Variants in ACYP2 observed in about 807,000 individuals in gnomAD.
ACYP2 encodes acylphosphatase 2.
ACYP2 carries 12 observed loss-of-function variants against 11.2 expected under a neutral mutation model. That is an observed-to-expected ratio of 1.08 (90% CI 0.69 to 1.74). The LOEUF (loss-of-function observed/expected upper bound fraction) is 1.74, where lower values mean the gene tolerates loss of function less well. Ranked by LOEUF, ACYP2 falls within the 40% of genes most tolerant of loss-of-function variation. ACYP2 has a pLI of 0.00. For missense variants in ACYP2, 134 were observed against 101.9 expected (o/e 1.31, Z -1.35); for synonymous variants, 43 against 32.2 (o/e 1.33, Z -1.13).
intron 6 of ACYP2, among the ~76,000 whole-genome samples, chr2:54,194,303 G>C (rs1684361846): frequency 6.6e-6 from 1 of 152,126 alleles, no homozygotes; most frequent in Admixed American, 6.5e-5. Context: ...GGCTCCTAAA[G>C]TGCTGGGATT....
At chr2:54,077,796 C>A (rs552482307) in intron 4 of ACYP2, among the ~76,000 whole-genome samples, 1 of 152,114 alleles carries the variant, frequency 6.6e-6, no homozygotes, top group Non-Finnish European at 1.5e-5. Context: ...TTAGTAGTAG[C>A]GCTGGAAGTA....
intron 6 of ACYP2, among the ~76,000 whole-genome samples, chr2:54,195,483 T>C (rs180806875): frequency 6.6e-6 from 1 of 152,196 alleles, no homozygotes; most frequent in Non-Finnish European, 1.5e-5. Context: ...GTAAGAGAAG[T>C]ACAGAGATAC....
chr2:54,005,558 C>T (rs1466537240), intron 2 of ACYP2, among the ~76,000 whole-genome samples: 2 of 152,070 alleles, frequency 1.3e-5, no homozygotes, highest in Admixed American at 6.6e-5. Flanking sequence ...AGGCTGGTCT[C>T]GATCTCCTGA....
chr2:53,989,988 T>TG (rs1335130785), intron 2 of ACYP2, among the ~76,000 whole-genome samples: 4 of 151,378 alleles, frequency 2.6e-5, no homozygotes, highest in Non-Finnish European at 5.9e-5. Context: ...TTTCTTTTTT[T>TG]TTTTTTTTTG....
At chr2:54,114,380 CAAAAAA>C (rs58390248) in intron 4 of ACYP2, among the ~76,000 whole-genome samples, 1 of 104,404 alleles carries the variant, frequency 9.6e-6, no homozygotes. Context: ...TCAAGACAAT[CAAAAAA>C]AAAAAAAAAA....
chr2:54,016,431 G>T (rs1255712508), intron 2 of ACYP2, among the ~76,000 whole-genome samples: 1 of 148,542 alleles, frequency 6.7e-6, no homozygotes, highest in Non-Finnish European at 1.5e-5. Context: ...CAGGAGTTAA[G>T]GCCAAACAGG....
chr2:54,048,933 C>T (rs138793393), intron 2 of ACYP2, among the ~76,000 whole-genome samples: 1 of 152,220 alleles, frequency 6.6e-6, no homozygotes. Flanking sequence ...GACAGAGATT[C>T]TCTGAGAATT....
chr2:54,063,382 T>C (rs1676570489), intron 4 of ACYP2, among the ~76,000 whole-genome samples: 1 of 152,144 alleles, frequency 6.6e-6, no homozygotes, highest in Non-Finnish European at 1.5e-5. Flanking sequence ...ACTGGATTTT[T>C]TTCCATTAGC....
rs900092241 is a variant in ACYP2, at chr2:54,019,025, G to A, written c.63-31933G>A. On this transcript the variant is annotated intron_variant, in intron 2 of 6. Transcript: ENST00000607452. ...CTCCCAAAGTGCTGAGATTACAGGCGTGTGCCACCATGCTTGGCCTATTTT... is the reference window on the plus strand; with the variant it reads ...CTCCCAAAGTGCTGAGATTACAGGCATGTGCCACCATGCTTGGCCTATTTT... 1.1e-4 allele frequency among the ~76,000 whole-genome samples: 16 copies of A among 151,378 alleles called. No individual in the cohort carries two copies. In the East Asian group the frequency reaches 1.6e-3, roughly 15 times the overall value.
chr2:54,123,155 C>A (rs977359895), intron 4 of ACYP2: 2 of 388,768 alleles, frequency 5.1e-6, no homozygotes, highest in Non-Finnish European at 4.5e-6. Context: ...GTGACAAGGG[C>A]AGGGTAGAAA....
chr2:53,974,064 A>G (rs1354149036), intron 2 of ACYP2, among the ~76,000 whole-genome samples: 1 of 150,884 alleles, frequency 6.6e-6, no homozygotes, highest in African/African-American at 2.4e-5. Flanking sequence ...GCACCACCAC[A>G]TCCAGATAAT....
chr2:54,154,046 C>G (rs1682323787), intron 6 of ACYP2, among the ~76,000 whole-genome samples: 1 of 151,658 alleles, frequency 6.6e-6, no homozygotes, highest in Non-Finnish European at 1.5e-5. Flanking sequence ...AACTTATTCT[C>G]CTAAGGTTTT....
At chr2:54,072,634 C>G (rs1440775213) in intron 4 of ACYP2, among the ~76,000 whole-genome samples, 1 of 149,962 alleles carries the variant, frequency 6.7e-6, no homozygotes, top group South Asian at 2.1e-4. Flanking sequence ...ACAGGCTTGG[C>G]TCACTGCAAC....
chr2:54,153,796 T>G (rs1055816296), intron 6 of ACYP2, among the ~76,000 whole-genome samples: 1 of 151,940 alleles, frequency 6.6e-6, no homozygotes, highest in African/African-American at 2.4e-5. Context: ...GAGATGAGGT[T>G]TCACTGAGTT....
chr2:54,227,635 A>AT (rs1686064692), intron 6 of ACYP2, among the ~76,000 whole-genome samples: 1 of 152,164 alleles, frequency 6.6e-6, no homozygotes, highest in South Asian at 2.1e-4. Context: ...AAAAAAAAAA[A>AT]ATATGCACAC....
chr2:54,283,181 C>T (rs906655518), intron 6 of ACYP2, among the ~76,000 whole-genome samples: 1 of 152,192 alleles, frequency 6.6e-6, no homozygotes, highest in African/African-American at 2.4e-5. Context: ...CATACATATA[C>T]AATTCCTGTT....
At chr2:54,144,795 A>G (rs190324772) in intron 6 of ACYP2, among the ~76,000 whole-genome samples, 103 of 152,074 alleles carry the variant, frequency 6.8e-4, no homozygotes, top group African/African-American at 2.3e-3. Flanking sequence ...GAATTTATCT[A>G]CTTAATTGGT....
chr2:54,235,035 C>T (rs773147211), intron 6 of ACYP2, among the ~76,000 whole-genome samples: 69 of 152,194 alleles, frequency 4.5e-4, no homozygotes, highest in Non-Finnish European at 8.5e-4. Flanking sequence ...GAAATCTATG[C>T]ATAGGTTTTT....
chr2:53,989,981 C>CTTTTT (rs112395166), intron 2 of ACYP2, among the ~76,000 whole-genome samples: 14 of 143,158 alleles, frequency 9.8e-5, no homozygotes, highest in Non-Finnish European at 1.5e-4. Context: ...CTTTTCTTTT[C>CTTTTT]TTTTTTTTTT....
Sources: gnomAD v4.1 joint callset for allele counts (sites outside exome capture counted in the v4.1 genomes callset) on GRCh38, gnomAD v4.1.1 for gene constraint, MANE v1.5 for transcripts, NCBI Gene and HGNC (gene_info 2026-07-23, HGNC 2026-07-21) for gene names.